Variants in GSDMD observed in about 807,000 individuals in gnomAD.
The protein encoded by GSDMD is gasdermin D, also known as gasdermin-D.
A neutral mutation model predicts 46.7 loss-of-function variants in GSDMD; 46 were observed. That is an observed-to-expected ratio of 0.99 (90% CI 0.78 to 1.26). The LOEUF is 1.26. Among genes scored for constraint, GSDMD ranks in the 50% most tolerant of loss-of-function variants. GSDMD has a pLI of 0.00. For missense variants in GSDMD, 649 were observed against 638.8 expected, an observed-to-expected ratio of 1.02 and a Z score of -0.17; for synonymous variants, 307 against 283.1, an observed-to-expected ratio of 1.08 and a Z score of -0.85.
chr8:143,562,304 G>T lies in GSDMD; in HGVS notation c.1092G>T (p.Val364=). 6.4e-7 allele frequency: 1 copy of T among 1,552,814 alleles called. No homozygotes were observed. Residue 364 remains valine (V), a synonymous_variant, in exon 9 of 11, where the codon GTG becomes GTT. Coordinates refer to ENST00000262580, the MANE Select transcript of GSDMD (RefSeq NM_024736.7). ...TGGTGTTGTCCTCCGGAATGCTGGT[G>T]CCGGAACTCGCTATCCCTGTTGTCT... ...ECLVLSSGML[V]PELAIPVVYL...
rs372289172 is a variant in GSDMD, at chr8:143,562,299, C to A, written c.1087C>A (p.Leu363Met). 4 of 1,431,728 alleles carry A rather than the reference C, an allele frequency of 2.8e-6. No homozygotes were observed. The highest frequency in any genetic ancestry group is 3.7e-6 in the Non-Finnish European group (4 of 1,073,114). The allele number at this position is 1,431,728 out of a possible 1,614,324, so 88.7% of individuals were successfully genotyped here. ...GTGCCTGGTGTTGTCCTCCGGAATG[C>A]TGGTGCCGGAACTCGCTATCCCTGT... is the stretch of plus-strand genomic sequence containing the variant. ...LECLVLSSGM[L>M]VPELAIPVVY... is the part of the protein sequence containing the mutation. Residue 363 changes from leucine (L) to methionine (M), a missense_variant, in exon 9 of 11, where the codon CTG (leucine) becomes ATG (methionine). Coordinates refer to ENST00000262580, the MANE Select transcript of GSDMD (RefSeq NM_024736.7).
chr8:143,560,821 C>A (rs764155040), intron 4 of GSDMD, 50 bp downstream of exon 4: 9 of 1,462,416 alleles, frequency 6.2e-6, no homozygotes, highest in Admixed American at 5.6e-5. Flanking sequence ...GGGCATGCGG[C>A]GGCGGGTGAC....
upstream of GSDMD, among the ~76,000 whole-genome samples, chr8:143,557,463 T>TGGC (rs1823334658): frequency 2.1e-5 from 2 of 95,904 alleles, no homozygotes; most frequent in South Asian, 3.1e-4. Flanking sequence ...GCCGCTATGA[T>TGGC]GAAGGATGAT....
chr8:143,557,295 C>CAAAGGATGCTGCCGCTATGAT (rs1823317109), upstream of GSDMD, among the ~76,000 whole-genome samples: 2 of 130,770 alleles, frequency 1.5e-5, no homozygotes, highest in Non-Finnish European at 3.3e-5. Context: ...GCCGCTATGG[C>CAAAGGATGCTGCCGCTATGAT]GAAGGATGCT....
rs747337941 is a variant in GSDMD, at chr8:143,562,047, G to A, written c.912G>A (p.Leu304=). The change falls in exon 8 of 11, where the codon TTG becomes TTA. Residue 304 remains leucine, a synonymous_variant. Coordinates refer to ENST00000262580, the MANE Select transcript of GSDMD (RefSeq NM_024736.7). The part of the protein sequence containing the change: ...VETISKELEL[L]DRELCQLLLE... ...CCATCTCCAAGGAACTGGAGCTTTT[G>A]GACAGAGAGCTGTGCCAGCTGCTGC... 2.0e-5 allele frequency: 32 copies of A among 1,598,770 alleles called. No individual in the cohort carries two copies. Among genetic ancestry groups the A allele is most frequent in the Non-Finnish European group, 2.6e-5 (31 of 1,177,230 alleles).
At position 143,561,615 on chromosome 8, in the gene GSDMD, G is replaced by A. The variant is rs368147574; in HGVS notation, c.737-127G>A. ...CTGGGCCTCCCCAGCCTCCCTTCCTGCCCTGGGCTGCCAGTGTTGGCAGTG... is the reference window on the plus strand; with the variant it reads ...CTGGGCCTCCCCAGCCTCCCTTCCTACCCTGGGCTGCCAGTGTTGGCAGTG... On this transcript the variant is annotated intron_variant, in intron 6 of 10. Coordinates refer to ENST00000262580, the MANE Select transcript of GSDMD (RefSeq NM_024736.7). 6 of 946,446 alleles carry A rather than the reference G, an allele frequency of 6.3e-6. No individual in the cohort carries two copies. In the African/African-American group the frequency reaches 6.5e-5, roughly 10 times the overall value. The allele number at this position is 946,446 out of a possible 1,614,324, so 58.6% of individuals were successfully genotyped here.
upstream of GSDMD, among the ~76,000 whole-genome samples, chr8:143,554,827 C>T (rs980121526): frequency 5.3e-5 from 8 of 152,268 alleles, no homozygotes; most frequent in Non-Finnish European, 1.0e-4. Flanking sequence ...TTCTTAGGCT[C>T]CTGGAGCCTC....
intron 1 of GSDMD, 75 bp from the exon 2 acceptor site, chr8:143,559,257 C>G: frequency 1.1e-6 from 1 of 925,496 alleles, no homozygotes; most frequent in Non-Finnish European, 1.7e-6. Flanking sequence ...TGGGAGACAT[C>G]CAAGTACTGA....
chr8:143,560,001 C>CAGGGCAGGG (rs71316899), intron 3 of GSDMD, 32 bp downstream of exon 3: 188 of 1,563,200 alleles, frequency 1.2e-4, no homozygotes, highest in South Asian at 1.5e-4. Flanking sequence ...CAGGGCAGGG[C>CAGGGCAGGG]CCCACCTACC....
intron 1 of GSDMD, chr8:143,558,991 A>G (rs4292703): frequency 0.54 from 278,993 of 521,398 alleles, 78,302 homozygotes; most frequent in African/African-American, 0.66. Flanking sequence ...GGGTCCCTGC[A>G]CCACGCTCAG....
intron 4 of GSDMD, 75 bp from the exon 5 acceptor site, chr8:143,560,927 C>T: frequency 2.7e-6 from 4 of 1,493,314 alleles, no homozygotes; most frequent in Non-Finnish European, 3.7e-6. Context: ...CGGGCCTGCC[C>T]CCGGCACCCG....
In GSDMD at chr8:143,559,371, G is replaced by C. The variant is rs1400458434; in HGVS notation, c.36G>C (p.Val12=). ...GSAFERVVRR[V]VQELDHGGEF... ...CCTTTGAGCGGGTAGTCCGGAGAGT[G>C]GTCCAGGAGCTGGACCATGGTGGGG... The change falls in exon 2 of 11, where the codon GTG becomes GTC. Residue 12 remains valine (V), a synonymous_variant. Coordinates refer to ENST00000262580, the MANE Select transcript of GSDMD (RefSeq NM_024736.7). 1 of 1,612,284 alleles carries C rather than the reference G, an allele frequency of 6.2e-7. No homozygotes were observed. Among genetic ancestry groups the C allele is most frequent in the Non-Finnish European group, 8.5e-7 (1 of 1,179,748 alleles).
At chr8:143,560,840 C>G (rs747418016) in intron 4 of GSDMD, 69 bp downstream of exon 4, 1 of 1,443,288 alleles carries the variant, frequency 6.9e-7, no homozygotes, top group Non-Finnish European at 9.1e-7. Context: ...ACGGAGGCGG[C>G]GGGCTGGGCT....
At chr8:143,558,944 G>T (rs1488836551) in intron 1 of GSDMD, 6 of 552,832 alleles carry the variant, frequency 1.1e-5, no homozygotes, top group Non-Finnish European at 2.1e-5. Context: ...GGGTTTTGCA[G>T]TGGGTCCCTG....
In GSDMD at chr8:143,562,266, G is replaced by C. The variant is rs1006175605; in HGVS notation, c.1054G>C (p.Val352Leu). 1.3e-6 allele frequency: 2 copies of C among 1,558,436 alleles called. No individual in the cohort carries two copies. Among genetic ancestry groups the C allele is most frequent in the African/African-American group, 2.7e-5 (2 of 73,664 alleles). Residue 352 changes from valine to leucine, a missense_variant, in exon 9 of 11, where the codon GTC becomes CTC. Physicochemically the swap from Val to Leu is conservative, Grantham distance 32. Coordinates refer to ENST00000262580, the MANE Select transcript of GSDMD (RefSeq NM_024736.7). The part of the protein sequence containing the change: ...VEPLDGPAGA[V>L]LECLVLSSGM... ...GCCCCTGGACGGTCCAGCAGGTGCT[G>C]TCCTGGAGTGCCTGGTGTTGTCCTC...
intron 4 of GSDMD, 46 bp downstream of exon 4, chr8:143,560,817 G>A (rs1326418770): frequency 8.2e-6 from 12 of 1,467,326 alleles, no homozygotes; most frequent in African/African-American, 1.5e-5. Flanking sequence ...ACGTGGGCAT[G>A]CGGCGGCGGG....
At position 143,559,826 on chromosome 8, in the gene GSDMD, G is replaced by A; in HGVS notation, c.267G>A (p.Gln89=). The change falls in exon 3 of 11, where the codon CAG becomes CAA. Residue 89 remains glutamine, a synonymous_variant. Coordinates refer to ENST00000262580, the MANE Select transcript of GSDMD (RefSeq NM_024736.7). The part of the protein sequence containing the change: ...SFHFYDAMDG[Q]IQGSVELAAP... ...ACTTCTACGATGCCATGGATGGGCA[G>A]ATACAGGGCAGCGTGGAGCTGGCAG... 1 of 1,611,610 alleles carries A rather than the reference G, an allele frequency of 6.2e-7. No individual in the cohort carries two copies. Among genetic ancestry groups the A allele is most frequent in the Non-Finnish European group, 8.5e-7 (1 of 1,179,436 alleles).
At position 143,559,820 on chromosome 8, in the gene GSDMD, T is replaced by C. The variant is rs1334999015; in HGVS notation, c.261T>C (p.Asp87=). ...GRSFHFYDAM[D]GQIQGSVELA... ...GCTTCCACTTCTACGATGCCATGGA[T>C]GGGCAGATACAGGGCAGCGTGGAGC... The change falls in exon 3 of 11, where the codon GAT becomes GAC. Residue 87 remains aspartate (D), a synonymous_variant. Transcript: ENST00000262580. The C allele has an allele frequency of 3.7e-6, 6 of 1,610,420 alleles. No homozygotes were observed. Among genetic ancestry groups the C allele is most frequent in the Admixed American group, 1.7e-5 (1 of 59,592 alleles).
upstream of GSDMD, among the ~76,000 whole-genome samples, chr8:143,557,631 T>C (rs1264283087): frequency 3.3e-5 from 5 of 152,248 alleles, no homozygotes; most frequent in Non-Finnish European, 7.3e-5. Context: ...CTGCCAGGCT[T>C]ATTCCAGAGG....
Sources: allele counts gnomAD v4.1 joint callset (sites outside exome capture counted in the v4.1 genomes callset), GRCh38; gene constraint gnomAD v4.1.1; transcripts MANE v1.5; gene names NCBI Gene and HGNC (gene_info 2026-07-23, HGNC 2026-07-21).